The following PLAGL2 variants were observed in gnomAD, a reference collection of about 807,000 sequenced individuals.
PLAGL2 encodes the protein zinc finger protein PLAGL2.
PLAGL2 carries 7 observed loss-of-function variants against 29.0 expected under a neutral mutation model. The ratio of observed to expected loss-of-function variants is 0.24; its 90% confidence interval spans 0.14 to 0.45. The LOEUF is 0.45. PLAGL2 is among the 20% of genes least tolerant of loss of function. The pLI, the probability that PLAGL2 is intolerant of heterozygous loss-of-function variation, is 0.99. For synonymous variants in PLAGL2, 234 were observed against 266.0 expected (o/e 0.88, Z 1.17); for missense variants, 454 against 648.2 (o/e 0.70, Z 3.25).
rs773705156 is a variant in PLAGL2 at position 32,202,118 on chromosome 20, C to A, written c.61G>T (p.Val21Leu). 3 of 1,614,214 alleles carry A rather than the reference C, an allele frequency of 1.9e-6. No homozygotes were observed. The Admixed American group carries it at 5.0e-5, about 27-fold the overall frequency. ...GGCCTGGGAACTAGTTTCCAGCCCA[C>A]TTCCTCCTCCTGCTTTGCATCTTGA... is the stretch of plus-strand genomic sequence containing the variant. ...WIQDAKQEEEVGWKLVPRPRG... is the reference protein window; with the variant it reads ...WIQDAKQEEELGWKLVPRPRG... Residue 21 changes from valine (V) to leucine (L), a missense_variant, in exon 2 of 3, where the codon GTG (valine) becomes TTG (leucine). Transcript: ENST00000246229.
At position 32,202,023 on chromosome 20, in the gene PLAGL2, C is replaced by G; in HGVS notation, c.156G>C (p.Gly52=). The change falls in exon 2 of 3, where the codon GGG becomes GGC. Residue 52 remains glycine, a synonymous_variant. Transcript: ENST00000246229. ...CEISGTPFSN[G]EKLRPHSLPQ... ...GGAGGCTGTGAGGCCTCAGCTTCTC[C>G]CCATTTGAGAAAGGTGTTCCCGAAA... is the stretch of plus-strand genomic sequence containing the variant. 6.2e-7 allele frequency: 1 copy of G among 1,614,194 alleles called. No homozygotes were observed. The highest frequency in any genetic ancestry group is 8.5e-7 in the Non-Finnish European group (1 of 1,180,018).
chr20:32,199,115 TA>T (rs539750479), intron 2 of PLAGL2, among the ~76,000 whole-genome samples: 3 of 151,764 alleles, frequency 2.0e-5, no homozygotes, highest in Admixed American at 1.3e-4. Context: ...GAAAGGAGTC[TA>T]AAAAAAAGGC....
rs1235442861 is a variant in PLAGL2, at chr20:32,202,084, C to G, written c.95G>C (p.Arg32Pro). 6.2e-7 allele frequency: 1 copy of G among 1,614,098 alleles called. No homozygotes were observed. Among genetic ancestry groups the G allele is most frequent in the Non-Finnish European group, 8.5e-7 (1 of 1,180,034 alleles). The change falls in exon 2 of 3, where the codon CGG becomes CCG. Residue 32 changes from arginine (R) to proline (P), a missense_variant. Arg to Pro is a moderately radical substitution (Grantham distance 103). Around this residue, in one of 4 missense-constraint regions of PLAGL2, gnomAD observed 89 missense variants for 90.4 expected, o/e 0.98. Transcript: ENST00000246229. ...GWKLVPRPRG[R>P]EAESQVKCQC... Reference sequence around the variant, plus strand: ...GCACTTCACTTGACTCTCCGCCTCCCGGCCCCGAGGCCTGGGAACTAGTTT... The same window carrying G: ...GCACTTCACTTGACTCTCCGCCTCCGGGCCCCGAGGCCTGGGAACTAGTTT...
At chr20:32,201,842 C>A (rs2047261078) in intron 2 of PLAGL2, 77 bp downstream of exon 2, 1 of 1,299,436 alleles carries the variant, frequency 7.7e-7, no homozygotes, top group East Asian at 2.3e-5. Flanking sequence ...AGATTAAAAA[C>A]CCACACTAGG....
In PLAGL2 at chr20:32,195,237, A is replaced by G. The variant is rs1449563677; in HGVS notation, c.*1215T>C. On this transcript the variant is annotated 3_prime_UTR_variant, in exon 3 of 3. Coordinates refer to ENST00000246229, the MANE Select transcript of PLAGL2 (RefSeq NM_002657.3). ...CCCATAGATTAGGACTTAGCTATCT[A>G]CCCATTCCTAACCTTCTGCAAACTC... The G allele has an allele frequency of 6.6e-6, 1 of 152,434 alleles. No homozygotes were observed. The highest frequency in any genetic ancestry group is 1.5e-5 in the Non-Finnish European group (1 of 68,044). 9.4% of individuals were successfully genotyped at this position (152,434 alleles called of 1,614,324 possible).
chr20:32,193,182 A>G lies in PLAGL2; in HGVS notation c.*3270T>C, dbSNP rs2047209870. On this transcript the variant is annotated 3_prime_UTR_variant, in exon 3 of 3. Coordinates refer to ENST00000246229, the MANE Select transcript of PLAGL2 (RefSeq NM_002657.3). ...AACCTGTTAAAAAAATCGTGCTTAC[A>G]AACAGCTCCTAGATAAGAGGGCAGG... The G allele has an allele frequency of 6.6e-6, 1 of 152,328 alleles. No individual in the cohort carries two copies. The highest frequency in any genetic ancestry group is 2.4e-5 in the African/African-American group (1 of 41,440). 9.4% of individuals were successfully genotyped at this position (152,328 alleles called of 1,614,324 possible).
chr20:32,203,455 C>T (rs1014087479), intron 1 of PLAGL2, among the ~76,000 whole-genome samples: 1 of 152,198 alleles, frequency 6.6e-6, no homozygotes, highest in Non-Finnish European at 1.5e-5. Context: ...GGACAAGAGA[C>T]CCACATTCAT....
In PLAGL2 at chr20:32,202,150, G is replaced by T. The variant is rs758788851; in HGVS notation, c.29C>A (p.Pro10His). Residue 10 changes from proline (P) to histidine (H), a missense_variant, in exon 2 of 3, where the codon CCC becomes CAC. Coordinates refer to ENST00000246229, the MANE Select transcript of PLAGL2 (RefSeq NM_002657.3). MTTFFTSVP[P>H]WIQDAKQEEE... is the part of the protein sequence containing the mutation. The stretch of plus-strand genomic sequence containing the variant: ...CTCCTGCTTTGCATCTTGAATCCAG[G>T]GGGGGACGCTGGTGAAAAATGTGGT... 5.0e-6 allele frequency: 8 copies of T among 1,614,164 alleles called. No individual in the cohort carries two copies. The highest frequency in any genetic ancestry group is 2.2e-5 in the East Asian group (1 of 44,888).
chr20:32,192,606 T>C lies in PLAGL2; in HGVS notation c.*3846A>G, dbSNP rs2047206499. The C allele has an allele frequency of 6.5e-6, 1 of 152,684 alleles. No homozygotes were observed. Among genetic ancestry groups the C allele is most frequent in the African/African-American group, 2.4e-5 (1 of 41,462 alleles). The allele number at this position is 152,684 out of a possible 1,614,324, so 9.5% of individuals were successfully genotyped here. ...TGAAAAATCTACTTTAACAAAGATA[T>C]GCCCTGTGCATTTTCTAATGGCACT... is the stretch of plus-strand genomic sequence containing the variant. On this transcript the variant is annotated 3_prime_UTR_variant, in exon 3 of 3. Coordinates refer to ENST00000246229, the MANE Select transcript of PLAGL2 (RefSeq NM_002657.3).
chr20:32,204,924 T>C (rs945988332), intron 1 of PLAGL2, among the ~76,000 whole-genome samples: 1 of 152,232 alleles, frequency 6.6e-6, no homozygotes, highest in Non-Finnish European at 1.5e-5. Context: ...CACAACTCAG[T>C]ATATTTTCAG....
intron 1 of PLAGL2, among the ~76,000 whole-genome samples, chr20:32,206,257 C>A (rs984016401): frequency 6.6e-6 from 1 of 152,150 alleles, no homozygotes; most frequent in African/African-American, 2.4e-5. Flanking sequence ...CGCCCCCTTC[C>A]CCCCCGCCCA....
Position 32,197,892 on chromosome 20 carries a change from T to G in PLAGL2, c.261-210A>C, listed in dbSNP as rs1020115613. Reference sequence around the variant, plus strand: ...CCGACATTCTTTGCAGCATTGCTTGTAGTAGCAAAAAAAATCAGAAACAAT... The same window carrying G: ...CCGACATTCTTTGCAGCATTGCTTGGAGTAGCAAAAAAAATCAGAAACAAT... On this transcript the variant is annotated intron_variant, in intron 2 of 2. Transcript: ENST00000246229. This position sits in a 1 kb window ranked among gnomAD's most constrained non-coding sequence, Gnocchi z 6.6. Among the ~76,000 whole-genome samples the G allele has an allele frequency of 1.3e-5, 2 of 152,162 alleles. No individual in the cohort carries two copies. Among genetic ancestry groups the G allele is most frequent in the Non-Finnish European group, 1.5e-5 (1 of 68,038 alleles).
Position 32,197,010 on chromosome 20 carries a change from T to C in PLAGL2, c.933A>G (p.Pro311=). ...HIPTMPSTGV[P]HSLVHNTLPM... ...GCAGCGTGTTGTGCACCAGGGAGTG[T>C]GGCACGCCCGTGCTGGGCATGGTAG... The change falls in exon 3 of 3, where the codon CCA becomes CCG. Residue 311 remains proline, a synonymous_variant. Transcript: ENST00000246229. This position sits in a 1 kb window ranked among gnomAD's most constrained non-coding sequence, Gnocchi z 6.6. 1 of 1,614,072 alleles carries C rather than the reference T, an allele frequency of 6.2e-7. No individual in the cohort carries two copies. The highest frequency in any genetic ancestry group is 8.5e-7 in the Non-Finnish European group (1 of 1,179,922).
Position 32,197,608 on chromosome 20 carries a change from T to C in PLAGL2, c.335A>G (p.His112Arg). 1 of 1,614,080 alleles carries C rather than the reference T, an allele frequency of 6.2e-7. No individual in the cohort carries two copies. Among genetic ancestry groups the C allele is most frequent in the Non-Finnish European group, 8.5e-7 (1 of 1,179,930 alleles). Reference sequence around the variant, plus strand: ...ATGGGTCTGCAGATGGTTCCGCAGATGGTCCTTGCGGTGAAACATCTTATC... The same window carrying C: ...ATGGGTCTGCAGATGGTTCCGCAGACGGTCCTTGCGGTGAAACATCTTATC... ...YCDKMFHRKD[H>R]LRNHLQTHDP... Residue 112 changes from histidine to arginine, a missense_variant, in exon 3 of 3, where the codon CAT becomes CGT. Physicochemically the swap from His to Arg is conservative, Grantham distance 29 (BLOSUM62 0). This residue lies in a region of PLAGL2 where 111 missense variants were observed against 173.1 expected (regional missense o/e 0.64). Coordinates refer to ENST00000246229, the MANE Select transcript of PLAGL2 (RefSeq NM_002657.3). The surrounding 1 kb of genome is among the most constrained non-coding windows in gnomAD (Gnocchi z 6.6).
chr20:32,201,964 T>C lies in PLAGL2; in HGVS notation c.215A>G (p.Gln72Arg), dbSNP rs1360160239. 1 of 1,614,070 alleles carries C rather than the reference T, an allele frequency of 6.2e-7. No homozygotes were observed. The highest frequency in any genetic ancestry group is 1.7e-5 in the Admixed American group (1 of 60,030). Residue 72 changes from glutamine (Q) to arginine (R), a missense_variant, in exon 2 of 3, where the codon CAG becomes CGG. Coordinates refer to ENST00000246229, the MANE Select transcript of PLAGL2 (RefSeq NM_002657.3). ...QPEQRPYSCP[Q>R]LHCGKAFASK... The stretch of plus-strand genomic sequence containing the variant: ...AGCAAAAGCCTTGCCACAGTGCAGC[T>C]GAGGGCAGCTATATGGTCTCTGCTC...
At position 32,194,587 on chromosome 20, in the gene PLAGL2, A is replaced by G. The variant is rs1474086015; in HGVS notation, c.*1865T>C. On this transcript the variant is annotated 3_prime_UTR_variant, in exon 3 of 3. Coordinates refer to ENST00000246229, the MANE Select transcript of PLAGL2 (RefSeq NM_002657.3). ...GCTAAATTTTAAGGCTTTTACCTCA[A>G]ACAAGGAGTACTGGCTTAGGCTGAA... The G allele has an allele frequency of 6.6e-6, 1 of 152,656 alleles. No homozygotes were observed. The highest frequency in any genetic ancestry group is 1.5e-5 in the Non-Finnish European group (1 of 68,050). 9.5% of individuals were successfully genotyped at this position (152,656 alleles called of 1,614,324 possible).
At position 32,196,229 on chromosome 20, in the gene PLAGL2, C is replaced by T. The variant is rs1339555759; in HGVS notation, c.*223G>A. 7 of 387,854 alleles carry T rather than the reference C, an allele frequency of 1.8e-5. No homozygotes were observed. In the Admixed American group the frequency reaches 3.1e-4, roughly 17 times the overall value. 24.0% of individuals were successfully genotyped at this position (387,854 alleles called of 1,614,324 possible). ...AATAAAAGTAAATAATACCTGAAGT[C>T]CTACGGTATGAGATCTTTTCACGGG... On this transcript the variant is annotated 3_prime_UTR_variant, in exon 3 of 3. Transcript: ENST00000246229.
chr20:32,197,775 C>G lies in PLAGL2; in HGVS notation c.261-93G>C. 9.5e-7 allele frequency: 1 copy of G among 1,050,608 alleles called. No homozygotes were observed. Among genetic ancestry groups the G allele is most frequent in the East Asian group, 2.4e-5 (1 of 41,954 alleles). The allele number at this position is 1,050,608 out of a possible 1,614,324, so 65.1% of individuals were successfully genotyped here. A position where few individuals can be genotyped will look rare whatever the true frequency, so the allele number is the denominator to read the frequency against. ...ACCAAAGGTGTCCATTAACAGGAAA[C>G]TAGATATAAAAACCATGGTAAAGGC... On this transcript the variant is annotated intron_variant, in intron 2 of 2. Coordinates refer to ENST00000246229, the MANE Select transcript of PLAGL2 (RefSeq NM_002657.3). The surrounding 1 kb of genome is among the most constrained non-coding windows in gnomAD (Gnocchi z 6.6).
intron 1 of PLAGL2, among the ~76,000 whole-genome samples, chr20:32,206,970 G>T (rs1041032812): frequency 3.3e-5 from 5 of 152,118 alleles, no homozygotes; most frequent in African/African-American, 1.2e-4. Flanking sequence ...ATGAAATGGG[G>T]GATTATAAGG....
Sources: gnomAD v4.1 joint callset for allele counts (sites outside exome capture counted in the v4.1 genomes callset) on GRCh38, gnomAD v4.1.1 for gene constraint, gnomAD v4.1.1 regional missense constraint, Gnocchi (gnomAD v3.1) non-coding constraint, MANE v1.5 for transcripts, NCBI Gene and HGNC (gene_info 2026-07-23, HGNC 2026-07-21) for gene names.